MCC: variants seen among roughly 807,000 people sequenced by gnomAD.
The protein encoded by MCC is MCC regulator of Wnt signaling pathway, also known as colorectal mutant cancer protein.
In MCC, 90 loss-of-function variants were observed where a neutral mutation model predicts 116.2. The ratio of observed to expected loss-of-function variants is 0.77; its 90% CI spans 0.65 to 0.92. MCC has a LOEUF of 0.92. MCC is among the 40% of genes least tolerant of loss of function. MCC has a pLI of 0.00. For missense variants in MCC, 1,516 were observed against 1,312.2 expected (o/e 1.16, Z -2.40); for synonymous variants, 578 against 510.5 (o/e 1.13, Z -1.78).
chr5:113,405,151 A>T (rs1769794307), intron 1 of MCC, among the ~76,000 whole-genome samples: 1 of 152,246 alleles, frequency 6.6e-6, no homozygotes, highest in African/African-American at 2.4e-5. Context: ...AAGCCAAGGA[A>T]CTTAGCTTTG....
intron 3 of MCC, among the ~76,000 whole-genome samples, chr5:113,330,264 A>G (rs1432226540): frequency 6.6e-6 from 1 of 152,222 alleles, no homozygotes; most frequent in African/African-American, 2.4e-5. Flanking sequence ...CTGAGAGCTG[A>G]GTGATTCCTG....
intron 1 of MCC, chr5:113,399,852 C>T (rs1449552524): frequency 6.6e-6 from 1 of 152,054 alleles, no homozygotes; most frequent in East Asian, 1.9e-4. Flanking sequence ...AATACTAATT[C>T]CTTCTGATGT....
At chr5:113,248,832 CT>C (rs1269527611) in intron 3 of MCC, among the ~76,000 whole-genome samples, 197 of 137,964 alleles carry the variant, frequency 1.4e-3, no homozygotes, top group Middle Eastern at 3.8e-3. Context: ...TCTCTCTCTT[CT>C]TTTTTTTTTT....
intron 3 of MCC, among the ~76,000 whole-genome samples, chr5:113,303,642 A>T (rs1309165715): frequency 2.0e-5 from 3 of 152,060 alleles, no homozygotes; most frequent in Non-Finnish European, 4.4e-5. Flanking sequence ...GGAAGTGAAA[A>T]CACTGAGAGA....
chr5:113,256,821 T>G (rs1383473099), intron 3 of MCC, among the ~76,000 whole-genome samples: 1 of 152,204 alleles, frequency 6.6e-6, no homozygotes, highest in Non-Finnish European at 1.5e-5. Context: ...CCTGGGTTAA[T>G]GCCAATTTTT....
intron 3 of MCC, among the ~76,000 whole-genome samples, chr5:113,190,023 A>G (rs1437212429): frequency 2.0e-5 from 3 of 152,168 alleles, no homozygotes; most frequent in Admixed American, 2.0e-4. Context: ...ACCCAGCCTC[A>G]GTCTCAGCCT....
At chr5:113,051,934 G>T (rs1478954055) in intron 15 of MCC, among the ~76,000 whole-genome samples, 1 of 152,018 alleles carries the variant, frequency 6.6e-6, no homozygotes, top group Non-Finnish European at 1.5e-5. Context: ...GACTGGGAGG[G>T]ACTCAGAGGA....
intron 1 of MCC, among the ~76,000 whole-genome samples, chr5:113,414,188 C>T (rs899520957): frequency 2.6e-5 from 4 of 152,138 alleles, no homozygotes; most frequent in Admixed American, 6.6e-5. Context: ...TTACTTCCAA[C>T]TATGTGGTCA....
intron 11 of MCC, among the ~76,000 whole-genome samples, chr5:113,075,310 A>C (rs1233326435): frequency 1.3e-5 from 2 of 152,160 alleles, no homozygotes; most frequent in Non-Finnish European, 2.9e-5. Context: ...ACCATGCCCG[A>C]GCCCCCCTCA....
chr5:113,320,264 AC>A (rs1767385944), intron 3 of MCC, among the ~76,000 whole-genome samples: 4 of 152,094 alleles, frequency 2.6e-5, no homozygotes, highest in Admixed American at 2.6e-4. Flanking sequence ...TAGTACACAC[AC>A]ACACACACAA....
chr5:113,362,335 T>C (rs188643470), intron 2 of MCC, among the ~76,000 whole-genome samples: 2 of 152,318 alleles, frequency 1.3e-5, no homozygotes, highest in Admixed American at 1.3e-4. Context: ...CTGTCTGTGT[T>C]ACTTTACTTA....
chr5:113,204,753 G>A (rs1762836728), intron 3 of MCC, among the ~76,000 whole-genome samples: 1 of 152,192 alleles, frequency 6.6e-6, no homozygotes, highest in South Asian at 2.1e-4. Flanking sequence ...ACAGGGGAGG[G>A]TAATTGCATC....
At chr5:113,294,668 G>A (rs1211758864) in intron 3 of MCC, 6 of 1,060,442 alleles carry the variant, frequency 5.7e-6, no homozygotes, top group African/African-American at 1.7e-5. Context: ...ACCCTCCCGC[G>A]CGCACCCAGC....
chr5:113,470,737 A>G, intron 1 of MCC, among the ~76,000 whole-genome samples: 1 of 138,448 alleles, frequency 7.2e-6, no homozygotes, highest in East Asian at 2.2e-4. Context: ...CTGCCTTGCT[A>G]GATTGGGGAA....
At position 113,280,790 on chromosome 5, in the gene MCC, CAACCTAGGTTGGAGGCA is replaced by C. The variant is rs565445623; in HGVS notation, c.627+59712_627+59728del. 1.8e-3 allele frequency among the ~76,000 whole-genome samples: 268 copies of C among 152,236 alleles called. 1 individual carries two copies. Among genetic ancestry groups the C allele is most frequent in the African/African-American group, 6.1e-3 (253 of 41,536 alleles). ...CCTTTTACCTGTTGGATATTCAGAC[CAACCTAGGTTGGAGGCA>C]ACAGCTTAGAGGTGGCAGTCAAAGC... is the stretch of plus-strand genomic sequence containing the variant. On this transcript the variant is annotated intron_variant, in intron 3 of 18. Transcript: ENST00000408903.
At chr5:113,378,949 G>C (rs1769046623) in intron 2 of MCC, among the ~76,000 whole-genome samples, 1 of 152,148 alleles carries the variant, frequency 6.6e-6, no homozygotes, top group South Asian at 2.1e-4. Flanking sequence ...AAATCTACAA[G>C]TAATTATAAT....
chr5:113,393,924 G>A (rs913105531), intron 1 of MCC, among the ~76,000 whole-genome samples: 2 of 152,030 alleles, frequency 1.3e-5, no homozygotes, highest in African/African-American at 4.8e-5. Context: ...TTGGCCCCCT[G>A]TTTTTTCACT....
intron 1 of MCC, among the ~76,000 whole-genome samples, chr5:113,391,959 T>C (rs1234061157): frequency 6.6e-6 from 1 of 152,172 alleles, no homozygotes; most frequent in Non-Finnish European, 1.5e-5. Flanking sequence ...TAAAGTAATG[T>C]TTTCAAATTT....
intron 3 of MCC, among the ~76,000 whole-genome samples, chr5:113,228,506 G>C (rs145783020): frequency 6.6e-6 from 1 of 152,268 alleles, no homozygotes; most frequent in East Asian, 1.9e-4. Flanking sequence ...GCTCTGAGAA[G>C]TTGTTGTTGA....
Sources: allele counts gnomAD v4.1 joint callset (sites outside exome capture counted in the v4.1 genomes callset), GRCh38; gene constraint gnomAD v4.1.1; transcripts MANE v1.5; gene names NCBI Gene and HGNC (gene_info 2026-07-23, HGNC 2026-07-21).